The following FBXL17 variants were observed in gnomAD, a reference collection of about 807,000 sequenced individuals.
FBXL17 encodes F-box/LRR-repeat protein 17.
A neutral mutation model predicts 66.2 loss-of-function variants in FBXL17; 22 were observed. The observed-to-expected ratio is 0.33, with a 90% confidence interval of 0.24 to 0.47. The LOEUF is 0.47. Ranked by LOEUF, FBXL17 falls within the 20% of genes least tolerant of loss-of-function variation. FBXL17 has a pLI of 1.00. For synonymous variants in FBXL17, 474 were observed against 400.5 expected, an observed-to-expected ratio of 1.18 and a Z score of -2.19; for missense variants, 878 against 948.2, an observed-to-expected ratio of 0.93 and a Z score of 0.97.
intron 5 of FBXL17, among the ~76,000 whole-genome samples, chr5:108,203,739 G>A (rs1753994496): frequency 6.6e-6 from 1 of 152,038 alleles, no homozygotes; most frequent in African/African-American, 2.4e-5. Context: ...GTAGAGTAAG[G>A]CAATCTAAAC....
At chr5:108,198,234 C>T (rs907378347) in intron 5 of FBXL17, among the ~76,000 whole-genome samples, 1 of 152,076 alleles carries the variant, frequency 6.6e-6, no homozygotes, top group African/African-American at 2.4e-5. Context: ...TCAGCAGCAG[C>T]TTTCTCTCCT....
At chr5:108,226,018 G>C (rs1270256406) in intron 4 of FBXL17, among the ~76,000 whole-genome samples, 1 of 151,966 alleles carries the variant, frequency 6.6e-6, no homozygotes. Context: ...TCATTCCTTA[G>C]GTGATCAAAA....
At chr5:108,256,820 T>C (rs1756596018) in intron 4 of FBXL17, among the ~76,000 whole-genome samples, 2 of 152,086 alleles carry the variant, frequency 1.3e-5, no homozygotes, top group Middle Eastern at 3.4e-3. Flanking sequence ...GCACAAGTTT[T>C]TGTTTACCTG....
intron 4 of FBXL17, among the ~76,000 whole-genome samples, chr5:108,285,379 T>G (rs748922691): frequency 6.6e-6 from 1 of 151,898 alleles, no homozygotes; most frequent in Non-Finnish European, 1.5e-5. Context: ...GTTTTCAATT[T>G]ACTTTGCCAA....
chr5:107,990,239 T>C (rs72798117), intron 7 of FBXL17, among the ~76,000 whole-genome samples: 6,105 of 152,252 alleles, frequency 0.04, 177 homozygotes, highest in Middle Eastern at 0.12. Context: ...AGACAAGGTC[T>C]GGGATAGTAG....
At chr5:107,988,909 T>C (rs1753122110) in intron 7 of FBXL17, among the ~76,000 whole-genome samples, 1 of 152,094 alleles carries the variant, frequency 6.6e-6, no homozygotes, top group Non-Finnish European at 1.5e-5. Flanking sequence ...CTCTTAATTG[T>C]ACCTGATAAT....
At chr5:107,901,392 C>T (rs1749563942) in intron 7 of FBXL17, among the ~76,000 whole-genome samples, 1 of 152,114 alleles carries the variant, frequency 6.6e-6, no homozygotes, top group Non-Finnish European at 1.5e-5. Flanking sequence ...TTTTTACTTT[C>T]TTGATTATCT....
Position 108,140,978 on chromosome 5 carries a change from A to G in FBXL17, c.1745+45139T>C, listed in dbSNP as rs78706198. 5.6e-3 allele frequency among the ~76,000 whole-genome samples: 849 copies of G among 152,128 alleles called. 5 individuals are homozygous for G. Among genetic ancestry groups the G allele is most frequent in the Admixed American group, 0.01 (156 of 15,280 alleles). ...TGGAACACCTGAATTGTCTCCCTCC[A>G]TTAACTTTCTTACATCTTGATATTA... is the stretch of plus-strand genomic sequence containing the variant. On this transcript the variant is annotated intron_variant, in intron 6 of 8. Coordinates refer to ENST00000542267, the MANE Select transcript of FBXL17 (RefSeq NM_001163315.3).
chr5:108,317,997 T>G (rs1759450053), intron 4 of FBXL17, among the ~76,000 whole-genome samples: 1 of 151,616 alleles, frequency 6.6e-6, no homozygotes, highest in Non-Finnish European at 1.5e-5. Context: ...TGGCCCAAAA[T>G]GACTTTTATG....
At chr5:107,874,000 T>C (rs1461221589) in intron 8 of FBXL17, among the ~76,000 whole-genome samples, 1 of 152,282 alleles carries the variant, frequency 6.6e-6, no homozygotes, top group Non-Finnish European at 1.5e-5. Flanking sequence ...TAAAAGGTTC[T>C]ACACAGATGT....
rs753338570 is a variant in FBXL17 at position 108,170,084 on chromosome 5, A to G, written c.1745+16033T>C. Reference sequence around the variant, plus strand: ...TCCAAATATATATTCACACATAGCAAAATATTTATGTGCATGTGTGCACAA... The same window carrying G: ...TCCAAATATATATTCACACATAGCAGAATATTTATGTGCATGTGTGCACAA... On this transcript the variant is annotated intron_variant, in intron 6 of 8. Coordinates refer to ENST00000542267, the MANE Select transcript of FBXL17 (RefSeq NM_001163315.3). 1.1e-4 allele frequency among the ~76,000 whole-genome samples: 16 copies of G among 152,334 alleles called. 1 individual carries two copies. The Middle Eastern group carries it at 0.014, about 130-fold the overall frequency.
chr5:107,895,159 A>T (rs886475405), intron 7 of FBXL17, among the ~76,000 whole-genome samples: 1 of 151,990 alleles, frequency 6.6e-6, no homozygotes, highest in Non-Finnish European at 1.5e-5. Context: ...TAAGTTCTTG[A>T]GATCTTTATT....
At chr5:108,370,198 T>A (rs375641202) in intron 1 of FBXL17, among the ~76,000 whole-genome samples, 2 of 152,120 alleles carry the variant, frequency 1.3e-5, no homozygotes, top group South Asian at 4.1e-4. Context: ...TACGAATTGT[T>A]TTGTTTTGTT....
At position 108,179,499 on chromosome 5, in the gene FBXL17, A is replaced by C. The variant is rs567004401; in HGVS notation, c.1745+6618T>G. On this transcript the variant is annotated intron_variant, in intron 6 of 8. Coordinates refer to ENST00000542267, the MANE Select transcript of FBXL17 (RefSeq NM_001163315.3). ...ATTAAGATTTTTTCTTAATATTGAA[A>C]ACAAAGGAATCATGAACCAAACACT... Among the ~76,000 whole-genome samples, 7 of 152,308 alleles carry C rather than the reference A, an allele frequency of 4.6e-5. No homozygotes were observed. The East Asian group carries it at 1.4e-3, about 29-fold the overall frequency.
intron 6 of FBXL17, among the ~76,000 whole-genome samples, chr5:108,171,244 T>A (rs1409781456): frequency 6.6e-6 from 1 of 152,208 alleles, no homozygotes; most frequent in Non-Finnish European, 1.5e-5. Flanking sequence ...TAGCTAGCAC[T>A]TGTATTTCAG....
chr5:108,265,720 TTTTG>T (rs531984685), intron 4 of FBXL17, among the ~76,000 whole-genome samples: 196 of 152,314 alleles, frequency 1.3e-3, no homozygotes, highest in African/African-American at 4.4e-3. Flanking sequence ...CTGTTTTCTT[TTTTG>T]TTTGAGAAAT....
chr5:107,872,262 T>C (rs1748480809), intron 8 of FBXL17, among the ~76,000 whole-genome samples: 1 of 152,186 alleles, frequency 6.6e-6, no homozygotes, highest in Non-Finnish European at 1.5e-5. Context: ...GATGCTGAGC[T>C]CATCTGAATG....
chr5:107,889,352 A>C (rs938996110), intron 7 of FBXL17, among the ~76,000 whole-genome samples: 5 of 152,232 alleles, frequency 3.3e-5, no homozygotes, highest in African/African-American at 1.2e-4. Flanking sequence ...TTGTTTGTGA[A>C]AATTTTAAAG....
intron 7 of FBXL17, among the ~76,000 whole-genome samples, chr5:107,969,224 A>C (rs1752271915): frequency 6.6e-6 from 1 of 152,144 alleles, no homozygotes; most frequent in African/African-American, 2.4e-5. Flanking sequence ...AGGTCATTGA[A>C]AGCATGGATA....
Sources: allele counts gnomAD v4.1 joint callset (sites outside exome capture counted in the v4.1 genomes callset), GRCh38; gene constraint gnomAD v4.1.1; transcripts MANE v1.5; gene names NCBI Gene and HGNC (gene_info 2026-07-23, HGNC 2026-07-21).